The following LIPG variants were observed in gnomAD, a reference collection of about 807,000 sequenced individuals.
LIPG encodes endothelial lipase.
A neutral mutation model predicts 51.8 loss-of-function variants in LIPG; 34 were observed. The observed-to-expected ratio is 0.66, with a 90% confidence interval of 0.50 to 0.87. The LOEUF (loss-of-function observed/expected upper bound fraction) is 0.87, where lower values mean the gene tolerates loss of function less well. Ranked by LOEUF, LIPG falls within the 40% of genes least tolerant of loss-of-function variation. The pLI is 0.00. For synonymous variants in LIPG, 246 were observed against 246.1 expected (o/e 1.00, Z 0.00); for missense variants, 580 against 652.7 (o/e 0.89, Z 1.21).
chr18:49,579,842 TC>T (rs1568533655), intron 5 of LIPG, among the ~76,000 whole-genome samples: 1 of 147,546 alleles, frequency 6.8e-6, no homozygotes, highest in African/African-American at 2.5e-5. Context: ...TGATGGAGTT[TC>T]ACTCTTGTTC....
At chr18:49,572,218 G>C (rs2084671083) in intron 4 of LIPG, among the ~76,000 whole-genome samples, 1 of 152,172 alleles carries the variant, frequency 6.6e-6, no homozygotes, top group Non-Finnish European at 1.5e-5. Context: ...TACTCAGGAG[G>C]CTGAAGCAGG....
chr18:49,583,858 A>G, intron 8 of LIPG, 84 bp downstream of exon 8: 1 of 1,242,356 alleles, frequency 8.0e-7, no homozygotes, highest in Non-Finnish European at 1.1e-6. Flanking sequence ...CCTTTGCTGC[A>G]TCTACCCTCA....
At chr18:49,566,359 C>A (rs2084606930) in intron 2 of LIPG, among the ~76,000 whole-genome samples, 1 of 152,144 alleles carries the variant, frequency 6.6e-6, no homozygotes, top group South Asian at 2.1e-4. Context: ...CTTTTTAAGG[C>A]CCCCTGTCAA....
chr18:49,577,570 C>T, intron 5 of LIPG, among the ~76,000 whole-genome samples: 3 of 149,676 alleles, frequency 2.0e-5, no homozygotes, highest in African/African-American at 7.5e-5. Context: ...GGCAGAGGGG[C>T]TCCTCACTTC....
rs2143991427 is a variant in LIPG, at chr18:49,594,512, G to A, written c.*3990G>A. ...CCCTACCAATTACTATTTATTAAAA[G>A]GGAAATTGGATCTTGCCATCCGTTT... On this transcript the variant is annotated 3_prime_UTR_variant, in exon 10 of 10. Coordinates refer to ENST00000261292, the MANE Select transcript of LIPG (RefSeq NM_006033.4). 6.6e-6 allele frequency: 1 copy of A among 152,248 alleles called. No individual in the cohort carries two copies. Among genetic ancestry groups the A allele is most frequent in the East Asian group, 1.9e-4 (1 of 5,188 alleles). The allele number at this position is 152,248 out of a possible 1,614,324, so 9.4% of individuals were successfully genotyped here.
intron 9 of LIPG, among the ~76,000 whole-genome samples, chr18:49,587,707 T>C (rs2084898544): frequency 2.0e-5 from 3 of 152,110 alleles, no homozygotes; most frequent in African/African-American, 4.8e-5. Context: ...TAGGGGTTCA[T>C]TGTACATGAC....
rs897953664 is a variant in LIPG at position 49,597,333 on chromosome 18, G to C, written c.*6811G>C. On this transcript the variant is annotated 3_prime_UTR_variant, in exon 10 of 10. Transcript: ENST00000261292. ...TAAACACCAGTATTTGTCCCTCCCC[G>C]TGTATGCCCAGTGGTTTCCATGGCA... The C allele has an allele frequency of 6.6e-6, 1 of 152,144 alleles. No homozygotes were observed. Among genetic ancestry groups the C allele is most frequent in the East Asian group, 1.9e-4 (1 of 5,192 alleles). The allele number at this position is 152,144 out of a possible 1,614,324, so 9.4% of individuals were successfully genotyped here.
Position 49,575,426 on chromosome 18 carries a change from C to T in LIPG, c.629C>T (p.Pro210Leu), listed in dbSNP as rs199712385. The T allele has an allele frequency of 1.4e-5, 22 of 1,613,918 alleles. No homozygotes were observed. The highest frequency in any genetic ancestry group is 2.2e-5 in the East Asian group (1 of 44,892). ...EGADIHKRLSPDDADFVDVLH... is the reference protein window; with the variant it reads ...EGADIHKRLSLDDADFVDVLH... ...GCCGACATCCACAAGAGGCTCTCTC[C>T]GGACGATGCAGATTTTGTGGATGTC... Residue 210 changes from proline (P) to leucine (L), a missense_variant, in exon 5 of 10, where the codon CCG becomes CTG. By Grantham distance (98) the Pro-to-Leu change is moderately conservative. Transcript: ENST00000261292.
chr18:49,586,529 C>G (rs1349887179), intron 8 of LIPG, among the ~76,000 whole-genome samples: 2 of 152,146 alleles, frequency 1.3e-5, no homozygotes, highest in Non-Finnish European at 1.5e-5. Flanking sequence ...TGGCAGAGGT[C>G]TGGCAGAGGC....
At chr18:49,577,675 C>A (rs865981581) in intron 5 of LIPG, among the ~76,000 whole-genome samples, 1 of 101,842 alleles carries the variant, frequency 9.8e-6, no homozygotes, top group Non-Finnish European at 2.2e-5. Context: ...TCCCGGACGG[C>A]ACGGCTGGCC....
At chr18:49,588,314 A>G (rs113952389) in intron 9 of LIPG, among the ~76,000 whole-genome samples, 13,216 of 140,338 alleles carry the variant, frequency 0.094, 1,664 homozygotes, top group African/African-American at 0.29. Context: ...ACAAAGTCTC[A>G]CTCTATCGCT....
chr18:49,562,344 C>T lies in LIPG; in HGVS notation c.36C>T (p.Ser12=), dbSNP rs1444780892. 6.8e-6 allele frequency: 11 copies of T among 1,613,232 alleles called. No homozygotes were observed. Among genetic ancestry groups the T allele is most frequent in the Non-Finnish European group, 9.3e-6 (11 of 1,180,036 alleles). ...CCGTTCCTCTGCTCTGTTTCTGGAG[C>T]CTCTGCTATTGCTTTGCTGCGGGGA... ...SNSVPLLCFW[S]LCYCFAAGSP... Residue 12 remains serine (S), a synonymous_variant, in exon 1 of 10, where the codon AGC becomes AGT. Transcript: ENST00000261292.
chr18:49,590,431 C>T, intron 9 of LIPG, 70 bp from the exon 10 acceptor site: 1 of 1,531,026 alleles, frequency 6.5e-7, no homozygotes, highest in Non-Finnish European at 8.9e-7. Context: ...AAGAGCACAC[C>T]CTGAATACAG....
At chr18:49,577,875 T>G (rs1425975002) in intron 5 of LIPG, among the ~76,000 whole-genome samples, 1 of 76,184 alleles carries the variant, frequency 1.3e-5, no homozygotes, top group Non-Finnish European at 2.5e-5. Context: ...CCAGACGGGG[T>G]GGCTGGCCGG....
In LIPG at chr18:49,587,510, A is replaced by C. The variant is rs528276018; in HGVS notation, c.1481+660A>C. Among the ~76,000 whole-genome samples, 294 of 131,366 alleles carry C rather than the reference A, an allele frequency of 2.2e-3. 4 individuals carry two copies. Among genetic ancestry groups the C allele is most frequent in the Admixed American group, 1.4e-3 (15 of 11,012 alleles). 86.2% of individuals were successfully genotyped at this position (131,366 alleles called of 152,430 possible). ...TATGAACCTGGGAGGAAGAGCTTGC[A>C]GTGAGCTGAGATTGCACCACTGCAC... On this transcript the variant is annotated intron_variant, in intron 9 of 9. Transcript: ENST00000261292.
intron 4 of LIPG, among the ~76,000 whole-genome samples, chr18:49,573,976 C>G (rs2148850172): frequency 6.6e-6 from 1 of 152,254 alleles, no homozygotes; most frequent in Non-Finnish European, 1.5e-5. Flanking sequence ...CCTGGCCTGG[C>G]CCTGCTAGAT....
intron 5 of LIPG, among the ~76,000 whole-genome samples, chr18:49,577,869 A>G (rs2084742681): frequency 1.0e-5 from 1 of 98,650 alleles, no homozygotes; most frequent in Admixed American, 9.7e-5. Context: ...TCCCTCCCAG[A>G]CGGGGTGGCT....
chr18:49,570,193 C>T (rs181869631), intron 4 of LIPG, among the ~76,000 whole-genome samples: 9 of 152,320 alleles, frequency 5.9e-5, no homozygotes, highest in South Asian at 2.1e-4. Flanking sequence ...ATAAAAGGAA[C>T]CTTTCTGATA....
chr18:49,581,277 C>T (rs2084815723), intron 5 of LIPG, 138 bp from the exon 6 acceptor site: 1 of 1,329,372 alleles, frequency 7.5e-7, no homozygotes, highest in Non-Finnish European at 1.1e-6. Context: ...CACAAATAAA[C>T]AAGCAAAAGA....
Sources: allele counts gnomAD v4.1 joint callset (sites outside exome capture counted in the v4.1 genomes callset), GRCh38; gene constraint gnomAD v4.1.1; transcripts MANE v1.5; gene names NCBI Gene and HGNC (gene_info 2026-07-23, HGNC 2026-07-21).